Variants in FGGY observed in about 807,000 individuals in gnomAD.
FGGY encodes FGGY carbohydrate kinase domain containing, also known as FGGY carbohydrate kinase domain-containing protein.
FGGY carries 72 observed loss-of-function variants against 71.3 expected under a neutral mutation model. That is an observed-to-expected ratio of 1.01 (90% CI 0.84 to 1.23). The LOEUF (loss-of-function observed/expected upper bound fraction) is 1.23, where lower values mean the gene tolerates loss of function less well. Among genes scored for constraint, FGGY ranks in the 50% most tolerant of loss-of-function variants. FGGY has a pLI of 0.00. For missense variants in FGGY, 668 were observed against 682.3 expected, an observed-to-expected ratio of 0.98 and a Z score of 0.23; for synonymous variants, 251 against 250.3, an observed-to-expected ratio of 1.00 and a Z score of -0.02.
chr1:59,659,701 G>T (rs1231192243), intron 11 of FGGY, among the ~76,000 whole-genome samples: 1 of 151,702 alleles, frequency 6.6e-6, no homozygotes, highest in Non-Finnish European at 1.5e-5. Context: ...TGACTTTAAT[G>T]GGATCCCCTT....
At chr1:59,372,644 G>T (rs2057886163) in intron 4 of FGGY, among the ~76,000 whole-genome samples, 1 of 152,194 alleles carries the variant, frequency 6.6e-6, no homozygotes, top group African/African-American at 2.4e-5. Flanking sequence ...GATGAACATT[G>T]ATGCAAAAAT....
intron 7 of FGGY, among the ~76,000 whole-genome samples, chr1:59,531,288 T>C (rs1305778657): frequency 2.0e-5 from 3 of 152,238 alleles, no homozygotes; most frequent in Non-Finnish European, 2.9e-5. Flanking sequence ...TCCACTTTTA[T>C]ATGCCAAAAT....
At chr1:59,497,635 C>T (rs1035022353) in intron 6 of FGGY, among the ~76,000 whole-genome samples, 3 of 152,166 alleles carry the variant, frequency 2.0e-5, no homozygotes, top group Admixed American at 1.3e-4. Flanking sequence ...CAATTCTCCT[C>T]ATCTGGATTT....
At chr1:59,706,999 C>T (rs1357866629) in intron 14 of FGGY, among the ~76,000 whole-genome samples, 1 of 152,142 alleles carries the variant, frequency 6.6e-6, no homozygotes, top group Non-Finnish European at 1.5e-5. Flanking sequence ...GAGGGCTGCA[C>T]CCCCTGCCCT....
At chr1:59,678,188 T>TA (rs2097455502) in intron 14 of FGGY, among the ~76,000 whole-genome samples, 1 of 152,112 alleles carries the variant, frequency 6.6e-6, no homozygotes, top group Non-Finnish European at 1.5e-5. Flanking sequence ...GCTCTCACAG[T>TA]AAAAATTTAG....
At position 59,369,355 on chromosome 1, in the gene FGGY, G is replaced by C. The variant is rs191176526; in HGVS notation, c.466-9394G>C. 3.2e-3 allele frequency among the ~76,000 whole-genome samples: 482 copies of C among 152,348 alleles called. 12 individuals are homozygous for C. The highest frequency in any genetic ancestry group is 0.021 in the Admixed American group (326 of 15,298). On this transcript the variant is annotated intron_variant, in intron 4 of 15. Coordinates refer to ENST00000303721, the MANE Select transcript of FGGY (RefSeq NM_018291.5). ...CAAACTGCAAGGCGGCAGCGAGGCTGGGGGAGGAGCGCCCGCCATTGCCCA... is the reference window on the plus strand; with the variant it reads ...CAAACTGCAAGGCGGCAGCGAGGCTCGGGGAGGAGCGCCCGCCATTGCCCA...
chr1:59,628,594 G>T (rs72919623), intron 10 of FGGY, among the ~76,000 whole-genome samples: 2 of 152,158 alleles, frequency 1.3e-5, no homozygotes, highest in Admixed American at 1.3e-4. Flanking sequence ...AGGGAACTCT[G>T]TGTATTATTT....
At chr1:59,441,446 C>A (rs1329847007) in intron 5 of FGGY, among the ~76,000 whole-genome samples, 2 of 152,182 alleles carry the variant, frequency 1.3e-5, no homozygotes, top group Admixed American at 6.5e-5. Flanking sequence ...CGGATAATGG[C>A]TATCAAATTA....
At chr1:59,743,946 C>T (rs1387242662) in intron 14 of FGGY, among the ~76,000 whole-genome samples, 1 of 152,222 alleles carries the variant, frequency 6.6e-6, no homozygotes, top group East Asian at 1.9e-4. Flanking sequence ...CCTGCCCAGG[C>T]AGCATGTCAC....
intron 11 of FGGY, among the ~76,000 whole-genome samples, chr1:59,659,745 G>C (rs546536106): frequency 6.6e-6 from 1 of 152,212 alleles, no homozygotes; most frequent in South Asian, 2.1e-4. Flanking sequence ...CCCCTAGTAG[G>C]TATAATATTT....
intron 2 of FGGY, among the ~76,000 whole-genome samples, chr1:59,330,883 G>A (rs1305185145): frequency 6.6e-6 from 1 of 152,108 alleles, no homozygotes; most frequent in Non-Finnish European, 1.5e-5. Flanking sequence ...GACCAGTCTT[G>A]CAACAGATTC....
intron 7 of FGGY, among the ~76,000 whole-genome samples, chr1:59,539,911 A>G (rs1020004428): frequency 5.3e-5 from 8 of 152,242 alleles, no homozygotes; most frequent in African/African-American, 1.9e-4. Flanking sequence ...AAGAACAATT[A>G]TTTTGACAGA....
At chr1:59,374,906 T>G (rs1460091325) in intron 4 of FGGY, among the ~76,000 whole-genome samples, 4 of 51,058 alleles carry the variant, frequency 7.8e-5, no homozygotes, top group Admixed American at 3.0e-4. Context: ...TGGGGACTGT[T>G]GTGGGGTGGG....
At position 59,456,974 on chromosome 1, in the gene FGGY, C is replaced by T; in HGVS notation, c.568C>T (p.Leu190=). 1 of 1,613,130 alleles carries T rather than the reference C, an allele frequency of 6.2e-7. No homozygotes were observed. The highest frequency in any genetic ancestry group is 8.5e-7 in the Non-Finnish European group (1 of 1,179,154). Residue 190 remains leucine (L), a synonymous_variant, in exon 6 of 16, where the codon CTG becomes TTG. Coordinates refer to ENST00000303721, the MANE Select transcript of FGGY (RefSeq NM_018291.5). ...TGVTARSLCS[L]VCKWTYSAEK... Reference sequence around the variant, plus strand: ...CTATTTTCTTAGGTCTCTCTGCTCCCTGGTGTGTAAGTGGACATATTCAGC... The same window carrying T: ...CTATTTTCTTAGGTCTCTCTGCTCCTTGGTGTGTAAGTGGACATATTCAGC...
chr1:59,428,582 G>A (rs558705319), intron 5 of FGGY, among the ~76,000 whole-genome samples: 197 of 152,322 alleles, frequency 1.3e-3, no homozygotes, highest in African/African-American at 4.6e-3. Context: ...ATTTGAGAAA[G>A]GTGCACGTGA....
At chr1:59,499,299 G>GTTTTTTTTTTTTTTTTTTTTTTTTT (rs58170089) in intron 6 of FGGY, among the ~76,000 whole-genome samples, 5 of 105,816 alleles carry the variant, frequency 4.7e-5, no homozygotes, top group African/African-American at 7.8e-5. Flanking sequence ...TACTATGTTT[G>GTTTTTTTTTTTTTTTTTTTTTTTTT]TTTTTTTTTT....
chr1:59,643,484 T>C (rs1335335082), intron 11 of FGGY, among the ~76,000 whole-genome samples: 1 of 152,216 alleles, frequency 6.6e-6, no homozygotes, highest in Non-Finnish European at 1.5e-5. Flanking sequence ...CATGAAACAC[T>C]GTTCCCAGCC....
intron 11 of FGGY, among the ~76,000 whole-genome samples, chr1:59,644,934 G>A (rs928357805): frequency 2.0e-5 from 3 of 150,808 alleles, no homozygotes; most frequent in African/African-American, 4.9e-5. Flanking sequence ...CTGAGATCAC[G>A]CCACTGCATT....
intron 14 of FGGY, among the ~76,000 whole-genome samples, chr1:59,737,899 T>C (rs185582726): frequency 6.6e-6 from 1 of 152,312 alleles, no homozygotes; most frequent in African/African-American, 2.4e-5. Context: ...ACATCTCACC[T>C]TGAATTCCTC....
Sources: gnomAD v4.1 joint callset for allele counts (sites outside exome capture counted in the v4.1 genomes callset) on GRCh38, gnomAD v4.1.1 for gene constraint, MANE v1.5 for transcripts, NCBI Gene and HGNC (gene_info 2026-07-23, HGNC 2026-07-21) for gene names.